PPCDC: variants seen among roughly 807,000 people sequenced by gnomAD.
PPCDC encodes the protein phosphopantothenoylcysteine decarboxylase.
PPCDC carries 20 observed loss-of-function variants against 20.7 expected under a neutral mutation model. The observed-to-expected ratio is 0.97, with a 90% CI of 0.68 to 1.41. The LOEUF (loss-of-function observed/expected upper bound fraction) is 1.41. Ranked by LOEUF, PPCDC falls within the 40% of genes most tolerant of loss-of-function variation. The probability of loss-of-function intolerance (pLI) is 0.00; values close to 1 mark genes in which losing one functional copy is unlikely to be tolerated. For synonymous variants in PPCDC, 88 were observed against 100.3 expected (o/e 0.88, Z 0.73); for missense variants, 246 against 263.8 (o/e 0.93, Z 0.47).
intron 4 of PPCDC, among the ~76,000 whole-genome samples, chr15:75,046,508 A>G (rs1232841376): frequency 2.0e-5 from 3 of 152,264 alleles, no homozygotes; most frequent in Non-Finnish European, 2.9e-5. Context: ...CACTTCATGA[A>G]ATCCCTGGGC....
In PPCDC at chr15:75,045,524, G is replaced by T. The variant is rs184388340; in HGVS notation, c.360+1010G>T. Among the ~76,000 whole-genome samples, 819 of 152,304 alleles carry T rather than the reference G, an allele frequency of 5.4e-3. 5 individuals are homozygous for T. Among genetic ancestry groups the T allele is most frequent in the African/African-American group, 0.019 (787 of 41,564 alleles). On this transcript the variant is annotated intron_variant, in intron 4 of 5. Transcript: ENST00000342932. ...TGGGAGTTTTTCAGAGTTTCATGTG[G>T]TGAAGAAGGTGGATGATGAAGCTGG... is the stretch of plus-strand genomic sequence containing the variant.
Position 75,044,382 on chromosome 15 carries a change from C to A in PPCDC, c.232-4C>A. On this transcript the variant is annotated splice_polypyrimidine_tract_variant and splice_region_variant and intron_variant, in intron 3 of 5. Transcript: ENST00000342932. ...CACTGACCCCTTTTTCTTCCCTCTG[C>A]CAGATATGGAAGAGCCGCTCTGACC... 3.1e-6 allele frequency: 5 copies of A among 1,613,554 alleles called. No homozygotes were observed. The highest frequency in any genetic ancestry group is 1.7e-5 in the Admixed American group (1 of 60,010).
chr15:75,033,123 G>A (rs919953419), intron 2 of PPCDC, among the ~76,000 whole-genome samples: 1 of 152,104 alleles, frequency 6.6e-6, no homozygotes, highest in Non-Finnish European at 1.5e-5. Context: ...ATTTTTAAAT[G>A]ATTAAGTCAA....
intron 4 of PPCDC, 88 bp downstream of exon 4, chr15:75,044,602 T>C (rs1376961985): frequency 2.0e-6 from 3 of 1,521,538 alleles, no homozygotes; most frequent in Non-Finnish European, 2.7e-6. Context: ...GGAGACCTGC[T>C]GCTGTGGGGC....
intron 5 of PPCDC, 25 bp downstream of exon 5, chr15:75,048,746 C>T: frequency 6.2e-7 from 1 of 1,610,560 alleles, no homozygotes; most frequent in Non-Finnish European, 8.5e-7. Flanking sequence ...AGGCTTATAG[C>T]CCAGGGCTGT....
chr15:75,043,160 A>G, intron 2 of PPCDC: 1 of 327,798 alleles, frequency 3.1e-6, no homozygotes. Context: ...CCCGAGTGGC[A>G]GGAGCTTGCA....
At chr15:75,037,697 C>T (rs2066102377) in intron 2 of PPCDC, among the ~76,000 whole-genome samples, 1 of 152,166 alleles carries the variant, frequency 6.6e-6, no homozygotes, top group African/African-American at 2.4e-5. Context: ...GCCGAGATTG[C>T]GCCGCTGCAC....
chr15:75,042,757 G>A (rs1203954216), intron 2 of PPCDC, among the ~76,000 whole-genome samples: 1 of 151,924 alleles, frequency 6.6e-6, no homozygotes, highest in Non-Finnish European at 1.5e-5. Flanking sequence ...GTTCTGTTAA[G>A]CAGATTGCAG....
rs2065980739 is a variant in PPCDC at position 75,028,298 on chromosome 15, C to G, written c.-21C>G. 6.2e-7 allele frequency: 1 copy of G among 1,611,670 alleles called. No homozygotes were observed. The highest frequency in any genetic ancestry group is 1.3e-5 in the African/African-American group (1 of 74,652). On this transcript the variant is annotated 5_prime_UTR_variant, in exon 2 of 6. Coordinates refer to ENST00000342932, the MANE Select transcript of PPCDC (RefSeq NM_021823.5). ...GCCCAGGCCTGGCAGGCTCCCAGAA[C>G]TTGAAGCCACCAGACCCCACATGGA...
At chr15:75,036,481 C>T (rs1268172333) in intron 2 of PPCDC, among the ~76,000 whole-genome samples, 3 of 152,132 alleles carry the variant, frequency 2.0e-5, no homozygotes, top group African/African-American at 7.2e-5. Context: ...AGAGGTGGGG[C>T]ATCAGGAAAG....
intron 4 of PPCDC, among the ~76,000 whole-genome samples, chr15:75,048,239 G>A (rs1044884737): frequency 3.4e-4 from 52 of 152,176 alleles, no homozygotes; most frequent in African/African-American, 1.2e-3. Flanking sequence ...CCTGCCTTCT[G>A]CTCCCCAGGG....
chr15:75,047,443 T>C (rs1174650137), intron 4 of PPCDC, among the ~76,000 whole-genome samples: 1 of 152,236 alleles, frequency 6.6e-6, no homozygotes, highest in Non-Finnish European at 1.5e-5. Flanking sequence ...GGCATTGTTC[T>C]CTGGACTCCT....
chr15:75,043,356 C>T lies in PPCDC; in HGVS notation c.136-85C>T, dbSNP rs886107426. The T allele has an allele frequency of 2.5e-6, 3 of 1,204,732 alleles. No homozygotes were observed. The Admixed American group carries it at 6.3e-5, about 25-fold the overall frequency. 74.6% of individuals were successfully genotyped at this position (1,204,732 alleles called of 1,614,324 possible). On this transcript the variant is annotated intron_variant, in intron 2 of 5. Coordinates refer to ENST00000342932, the MANE Select transcript of PPCDC (RefSeq NM_021823.5). ...GCCTGTGAAGACAGCACCTGCCTGC[C>T]CTGACCCTCCTGTGGCCTCCAGGCC... is the stretch of plus-strand genomic sequence containing the variant.
chr15:75,033,580 T>G (rs1195002754), intron 2 of PPCDC, among the ~76,000 whole-genome samples: 1 of 152,186 alleles, frequency 6.6e-6, no homozygotes, highest in Non-Finnish European at 1.5e-5. Flanking sequence ...GGGAACATTC[T>G]TGATAAGTTT....
intron 1 of PPCDC, among the ~76,000 whole-genome samples, chr15:75,024,160 G>A (rs1216648209): frequency 6.6e-6 from 1 of 152,204 alleles, no homozygotes; most frequent in Non-Finnish European, 1.5e-5. Flanking sequence ...GTATTTGGAA[G>A]CAGGTGCTAG....
At chr15:75,033,036 C>T (rs1389660646) in intron 2 of PPCDC, among the ~76,000 whole-genome samples, 1 of 152,108 alleles carries the variant, frequency 6.6e-6, no homozygotes. Context: ...CTCCTGGGCT[C>T]AAGTGATCTG....
chr15:75,031,899 AG>A (rs2066025978), intron 2 of PPCDC, among the ~76,000 whole-genome samples: 1 of 152,046 alleles, frequency 6.6e-6, no homozygotes, highest in Middle Eastern at 3.4e-3. Context: ...TGGGAGGGTG[AG>A]GGGAGGAATT....
At chr15:75,042,041 A>G (rs567284910) in intron 2 of PPCDC, among the ~76,000 whole-genome samples, 8 of 152,360 alleles carry the variant, frequency 5.3e-5, no homozygotes, top group Admixed American at 2.0e-4. Context: ...ACAAGAACTC[A>G]GGAAATTGAA....
rs2066296341 is a variant in PPCDC at position 75,050,069 on chromosome 15, G to C, written c.*834G>C. On this transcript the variant is annotated 3_prime_UTR_variant, in exon 6 of 6. Coordinates refer to ENST00000342932, the MANE Select transcript of PPCDC (RefSeq NM_021823.5). ...AGAATACCCATGCCACTGAGTGCCT[G>C]GAACGTAGTAAATGTCAAATCAATG... The C allele has an allele frequency of 6.6e-6, 1 of 152,232 alleles. No homozygotes were observed. Among genetic ancestry groups the C allele is most frequent in the Admixed American group, 6.5e-5 (1 of 15,282 alleles). The allele number at this position is 152,232 out of a possible 1,614,324, so 9.4% of individuals were successfully genotyped here.
Sources: allele counts gnomAD v4.1 joint callset (sites outside exome capture counted in the v4.1 genomes callset), GRCh38; gene constraint gnomAD v4.1.1; transcripts MANE v1.5; gene names NCBI Gene and HGNC (gene_info 2026-07-23, HGNC 2026-07-21).